The following CCDC125 variants were observed in gnomAD, a reference collection of about 807,000 sequenced individuals.
CCDC125 encodes coiled-coil domain containing 125.
In CCDC125, 43 loss-of-function variants were observed where a neutral mutation model predicts 57.4. That is an observed-to-expected ratio of 0.75 (90% confidence interval 0.59 to 0.97). The LOEUF is 0.97. CCDC125 is among the 50% of genes least tolerant of loss of function. CCDC125 has a pLI of 0.00. For synonymous variants in CCDC125, 187 were observed against 195.2 expected, an observed-to-expected ratio of 0.96 and a Z score of 0.35; for missense variants, 563 against 595.7, an observed-to-expected ratio of 0.95 and a Z score of 0.57.
intron 9 of CCDC125, 82 bp from the exon 10 acceptor site, chr5:69,292,444 G>A (rs2150353327): frequency 1.0e-6 from 1 of 993,078 alleles, no homozygotes; most frequent in East Asian, 2.4e-5. Context: ...ATTAACATAT[G>A]CAATCTCACT....
intron 6 of CCDC125, among the ~76,000 whole-genome samples, chr5:69,304,314 AG>A (rs1384858801): frequency 6.6e-6 from 1 of 152,020 alleles, no homozygotes; most frequent in Non-Finnish European, 1.5e-5. Flanking sequence ...CATGTTGGCC[AG>A]GCTGGTCTCG....
At chr5:69,283,720 T>G (rs980736174) in intron 11 of CCDC125, among the ~76,000 whole-genome samples, 4 of 147,478 alleles carry the variant, frequency 2.7e-5, no homozygotes, top group Non-Finnish European at 6.0e-5. Flanking sequence ...ACTCCTGGCC[T>G]CAAGTGATCC....
At chr5:69,320,640 C>T (rs1344111977) in intron 1 of CCDC125, 60 bp from the exon 2 acceptor site, 9 of 708,438 alleles carry the variant, frequency 1.3e-5, no homozygotes, top group South Asian at 8.8e-5. Context: ...CCCCACCTCT[C>T]GATATTTACC....
At chr5:69,308,266 A>G in intron 4 of CCDC125, 2 of 544,384 alleles carry the variant, frequency 3.7e-6, no homozygotes, top group Non-Finnish European at 6.6e-6. Context: ...GAAAGTGTTC[A>G]GAACAGTACT....
At chr5:69,315,450 C>CAAAAAAAAAA (rs1359288696) in intron 2 of CCDC125, among the ~76,000 whole-genome samples, 1 of 4,868 alleles carries the variant, frequency 2.1e-4, no homozygotes. Context: ...AAAAAAAAAA[C>CAAAAAAAAAA]AAAAAAAAAA....
intron 7 of CCDC125, among the ~76,000 whole-genome samples, chr5:69,301,893 T>C (rs1756513225): frequency 7.2e-6 from 1 of 139,348 alleles, no homozygotes; most frequent in Non-Finnish European, 1.6e-5. Flanking sequence ...TGAGATTCTG[T>C]CTCAAAATAA....
intron 1 of CCDC125, among the ~76,000 whole-genome samples, chr5:69,330,156 T>G (rs1323953981): frequency 6.6e-6 from 1 of 152,150 alleles, no homozygotes; most frequent in Admixed American, 6.6e-5. Context: ...TCCTCCTCCT[T>G]CCCTGACTCA....
At chr5:69,278,372 A>ATT (rs35559096), downstream of CCDC125, among the ~76,000 whole-genome samples, 85 of 139,104 alleles carry the variant, frequency 6.1e-4, no homozygotes, top group South Asian at 1.8e-3. Flanking sequence ...CGCCTGGCTA[A>ATT]TTTTTTTTTT....
chr5:69,329,499 C>CTTTTT (rs535306741), intron 1 of CCDC125, among the ~76,000 whole-genome samples: 4 of 95,302 alleles, frequency 4.2e-5, no homozygotes, highest in Non-Finnish European at 6.2e-5. Context: ...GGATTCAAGT[C>CTTTTT]TTTTTTTTTT....
chr5:69,276,676 A>T, downstream of CCDC125: 4 of 1,614,132 alleles, frequency 2.5e-6, no homozygotes, highest in Non-Finnish European at 3.4e-6. Context: ...AAAAGAACAG[A>T]GGCCTTAGAA....
In CCDC125 at chr5:69,280,346, T is replaced by C. The variant is rs1303369648; in HGVS notation, c.*2383A>G. ...ATGATAATAATAAAAAACACACCTCTAGGTGGAAATTTAAGATGCTACTGA... is the reference window on the plus strand; with the variant it reads ...ATGATAATAATAAAAAACACACCTCCAGGTGGAAATTTAAGATGCTACTGA... On this transcript the variant is annotated 3_prime_UTR_variant, in exon 12 of 12. Transcript: ENST00000396496. The C allele has an allele frequency of 6.6e-6, 1 of 152,166 alleles. No homozygotes were observed. Among genetic ancestry groups the C allele is most frequent in the Non-Finnish European group, 1.5e-5 (1 of 68,018 alleles). 9.4% of individuals were successfully genotyped at this position (152,166 alleles called of 1,614,324 possible).
intron 1 of CCDC125, among the ~76,000 whole-genome samples, chr5:69,327,684 G>A (rs1158282228): frequency 6.6e-6 from 1 of 152,118 alleles, no homozygotes; most frequent in Non-Finnish European, 1.5e-5. Flanking sequence ...CTTAACAGGG[G>A]TTTAAGCATA....
chr5:69,283,810 GAC>G (rs1443519833), intron 11 of CCDC125, among the ~76,000 whole-genome samples: 2 of 136,844 alleles, frequency 1.5e-5, no homozygotes, highest in African/African-American at 2.8e-5. Context: ...TTTTTTTTGA[GAC>G]AGAGTCTCGC....
intron 2 of CCDC125, 62 bp downstream of exon 2, chr5:69,320,175 A>C (rs1056490548): frequency 1.5e-6 from 2 of 1,340,078 alleles, no homozygotes; most frequent in African/African-American, 3.0e-5. Context: ...AGATTTTGGA[A>C]GGGTTATAGC....
chr5:69,308,208 C>T, intron 4 of CCDC125, 180 bp from the exon 5 acceptor site: 2 of 599,258 alleles, frequency 3.3e-6, no homozygotes, highest in East Asian at 2.8e-5. Context: ...CTTGGTTTGG[C>T]TCTTTTCCAA....
At chr5:69,319,476 C>T (rs996619516) in intron 2 of CCDC125, among the ~76,000 whole-genome samples, 1 of 150,272 alleles carries the variant, frequency 6.7e-6, no homozygotes, top group Middle Eastern at 3.5e-3. Context: ...ATATAAACAT[C>T]GACTACTTTT....
At chr5:69,301,467 A>G (rs1756431788) in intron 7 of CCDC125, among the ~76,000 whole-genome samples, 1 of 151,888 alleles carries the variant, frequency 6.6e-6, no homozygotes, top group African/African-American at 2.4e-5. Flanking sequence ...ATGTCTACAA[A>G]AATTTTTTTT....
intron 11 of CCDC125, among the ~76,000 whole-genome samples, chr5:69,283,513 C>T (rs1227239864): frequency 6.6e-6 from 1 of 151,222 alleles, no homozygotes; most frequent in East Asian, 2.0e-4. Flanking sequence ...AGCCACCGTG[C>T]CCGGCCAATT....
At chr5:69,294,127 T>A in intron 9 of CCDC125, 1 of 983,810 alleles carries the variant, frequency 1.0e-6, no homozygotes, top group Non-Finnish European at 1.2e-6. Flanking sequence ...ATACATTCCA[T>A]GCTTATCTCT....
Sources: gnomAD v4.1 joint callset for allele counts (sites outside exome capture counted in the v4.1 genomes callset) on GRCh38, gnomAD v4.1.1 for gene constraint, MANE v1.5 for transcripts, NCBI Gene and HGNC (gene_info 2026-07-23, HGNC 2026-07-21) for gene names.